The following SLC39A12 variants were observed in gnomAD, a reference collection of about 807,000 sequenced individuals.
The protein encoded by SLC39A12 is solute carrier family 39 member 12.
Under a neutral mutation model 71.1 loss-of-function variants are expected in SLC39A12, and 63 were observed. The ratio of observed to expected loss-of-function variants is 0.89; its 90% CI spans 0.72 to 1.09. SLC39A12 has a LOEUF of 1.09. SLC39A12 is among the 50% of genes least tolerant of loss of function. The pLI, the probability that SLC39A12 is intolerant of heterozygous loss-of-function variation, is 0.00. For missense variants in SLC39A12, 892 were observed against 812.6 expected, an observed-to-expected ratio of 1.10 and a Z score of -1.19; for synonymous variants, 351 against 301.3, an observed-to-expected ratio of 1.16 and a Z score of -1.71.
At chr10:17,991,458 G>A (rs1449439499) in intron 8 of SLC39A12, among the ~76,000 whole-genome samples, 155 bp downstream of exon 8, 2 of 152,068 alleles carry the variant, frequency 1.3e-5, no homozygotes, top group East Asian at 3.9e-4. Context: ...CTTCTAATAG[G>A]ATATTAATTT....
At chr10:18,027,469 T>G (rs962124592) in intron 12 of SLC39A12, among the ~76,000 whole-genome samples, 12 of 152,368 alleles carry the variant, frequency 7.9e-5, no homozygotes, top group African/African-American at 2.9e-4. Context: ...TTTTCTCCAG[T>G]GTTCACTGTG....
intron 12 of SLC39A12, among the ~76,000 whole-genome samples, chr10:18,029,967 C>T (rs567195548): frequency 4.9e-4 from 74 of 151,220 alleles, no homozygotes; most frequent in Non-Finnish European, 8.3e-4. Context: ...TTTGGCATTT[C>T]GTATTTGTAG....
At chr10:17,982,205 C>T (rs1359232970) in intron 6 of SLC39A12, among the ~76,000 whole-genome samples, 2 of 152,196 alleles carry the variant, frequency 1.3e-5, no homozygotes, top group African/African-American at 2.4e-5. Context: ...TTTACAGTTA[C>T]CTGTATCCCA....
intron 2 of SLC39A12, among the ~76,000 whole-genome samples, chr10:17,954,922 C>A (rs1554847604): frequency 1.3e-5 from 2 of 151,916 alleles, no homozygotes; most frequent in African/African-American, 4.8e-5. Context: ...TTTGTGTGAG[C>A]AATAAATAAT....
intron 4 of SLC39A12, among the ~76,000 whole-genome samples, chr10:17,966,369 G>T (rs1834824773): frequency 6.6e-6 from 1 of 152,106 alleles, no homozygotes; most frequent in Non-Finnish European, 1.5e-5. Flanking sequence ...CAAGTGCAGT[G>T]GTGGGACCGT....
intron 12 of SLC39A12, among the ~76,000 whole-genome samples, chr10:18,016,178 G>A (rs1456854145): frequency 6.6e-6 from 1 of 152,094 alleles, no homozygotes; most frequent in African/African-American, 2.4e-5. Flanking sequence ...AATGTCCCCT[G>A]TGTTTTGCAT....
chr10:18,012,297 C>T (rs1464866966), intron 12 of SLC39A12, among the ~76,000 whole-genome samples: 1 of 152,112 alleles, frequency 6.6e-6, no homozygotes, highest in African/African-American at 2.4e-5. Flanking sequence ...GAATTAAACC[C>T]TCAGAAGATT....
intron 12 of SLC39A12, among the ~76,000 whole-genome samples, chr10:18,008,258 C>CG (rs887578884): frequency 6.6e-6 from 1 of 152,118 alleles, no homozygotes; most frequent in Non-Finnish European, 1.5e-5. Flanking sequence ...GTCAGATCAG[C>CG]GGGGGCATTA....
chr10:17,958,920 G>A (rs74647080), intron 2 of SLC39A12, among the ~76,000 whole-genome samples: 1 of 151,866 alleles, frequency 6.6e-6, no homozygotes, highest in Non-Finnish European at 1.5e-5. Context: ...TAATAATATA[G>A]GGTTCTTATT....
Position 18,042,827 on chromosome 10 carries a change from A to C in SLC39A12, c.2070A>C (p.Lys690Asn). 12 of 1,604,136 alleles carry C rather than the reference A, an allele frequency of 7.5e-6. No homozygotes were observed. Among genetic ancestry groups the C allele is most frequent in the Non-Finnish European group, 1.0e-5 (12 of 1,176,542 alleles). ...LLLAIYEQNI[K>N]I ...TGGCTATATATGAGCAAAATATTAA[A>C]ATATAAGTGAGGATCTTCAACATCT... The change falls in exon 13 of 13, where the codon AAA becomes AAC. Residue 690 changes from lysine to asparagine, a missense_variant. Physicochemically the swap from Lys to Asn is moderately conservative, Grantham distance 94. Coordinates refer to ENST00000377369, the MANE Select transcript of SLC39A12 (RefSeq NM_001145195.2).
intron 4 of SLC39A12, among the ~76,000 whole-genome samples, chr10:17,969,580 G>A (rs1231476823): frequency 6.6e-6 from 1 of 152,082 alleles, no homozygotes; most frequent in Non-Finnish European, 1.5e-5. Flanking sequence ...TTTGCCATTT[G>A]TATGTCTTAT....
Position 17,993,167 on chromosome 10 carries a change from C to G in SLC39A12, c.1423-14C>G, listed in dbSNP as rs1258791485. On this transcript the variant is annotated splice_polypyrimidine_tract_variant and intron_variant, in intron 8 of 12. Coordinates refer to ENST00000377369, the MANE Select transcript of SLC39A12 (RefSeq NM_001145195.2). ...TTCTGGCTTCAACACTAATTTTAAA[C>G]CATCCTCATCCAGCAGGGCCTGTCA... 3.9e-6 allele frequency: 6 copies of G among 1,537,214 alleles called. No individual in the cohort carries two copies. In the Admixed American group the frequency reaches 1.2e-4, roughly 30 times the overall value.
intron 8 of SLC39A12, among the ~76,000 whole-genome samples, chr10:17,992,658 C>G (rs1384933944): frequency 6.6e-6 from 1 of 152,024 alleles, no homozygotes; most frequent in East Asian, 1.9e-4. Flanking sequence ...AGTTAGAAAT[C>G]CAGTGTGGTA....
intron 8 of SLC39A12, among the ~76,000 whole-genome samples, chr10:17,992,796 A>G (rs1347894621): frequency 2.0e-5 from 3 of 152,246 alleles, no homozygotes; most frequent in African/African-American, 7.2e-5. Context: ...CTAAAATAAA[A>G]GGAATACGTA....
chr10:18,023,474 C>T (rs1404505560), intron 12 of SLC39A12, among the ~76,000 whole-genome samples: 1 of 152,122 alleles, frequency 6.6e-6, no homozygotes, highest in Non-Finnish European at 1.5e-5. Context: ...TCTGCTGCTA[C>T]AGCAGTGGCA....
In SLC39A12 at chr10:17,953,507, G is replaced by A. The variant is rs1834461012; in HGVS notation, c.231G>A (p.Arg77=). 1 of 1,614,196 alleles carries A rather than the reference G, an allele frequency of 6.2e-7. No homozygotes were observed. The highest frequency in any genetic ancestry group is 8.5e-7 in the Non-Finnish European group (1 of 1,180,040). The part of the protein sequence containing the change: ...TLLEKTGCPR[R]RNGMQGDCNL... ...TGGAGAAAACTGGGTGCCCACGGAG[G>A]AGAAACGGAATGCAAGGAGATTGCA... The change falls in exon 2 of 13, where the codon AGG becomes AGA. Residue 77 remains arginine, a synonymous_variant. Coordinates refer to ENST00000377369, the MANE Select transcript of SLC39A12 (RefSeq NM_001145195.2).
intron 12 of SLC39A12, chr10:18,009,633 C>G (rs1214799709): frequency 3.3e-5 from 5 of 152,384 alleles, no homozygotes; most frequent in African/African-American, 1.2e-4. Context: ...GAGCAGGAAC[C>G]TCAAGAATAA....
At chr10:18,038,592 C>G (rs1250048396) in intron 12 of SLC39A12, among the ~76,000 whole-genome samples, 1 of 152,028 alleles carries the variant, frequency 6.6e-6, no homozygotes, top group African/African-American at 2.4e-5. Context: ...GGGGAGGTTG[C>G]AGTGAGCTGA....
chr10:18,002,777 T>C (rs1215952924), intron 11 of SLC39A12: 3 of 155,954 alleles, frequency 1.9e-5, no homozygotes, highest in African/African-American at 7.2e-5. Flanking sequence ...AAGTAAATAA[T>C]AAAAGCCCAT....
Sources: allele counts gnomAD v4.1 joint callset (sites outside exome capture counted in the v4.1 genomes callset), GRCh38; gene constraint gnomAD v4.1.1; transcripts MANE v1.5; gene names NCBI Gene and HGNC (gene_info 2026-07-23, HGNC 2026-07-21).